The following IGF1R variants were observed in gnomAD, a reference collection of about 807,000 sequenced individuals.
IGF1R encodes insulin-like growth factor 1 receptor.
A neutral mutation model predicts 144.6 loss-of-function variants in IGF1R; 44 were observed. The observed-to-expected ratio is 0.30, with a 90% CI of 0.24 to 0.39. The LOEUF is 0.39. Among genes scored for constraint, IGF1R ranks in the 10% least tolerant of loss-of-function variants. IGF1R has a pLI of 1.00. For missense variants in IGF1R, 1,355 were observed against 1,833.7 expected (o/e 0.74, Z 4.77); for synonymous variants, 795 against 722.8 (o/e 1.10, Z -1.60).
intron 2 of IGF1R, among the ~76,000 whole-genome samples, chr15:98,762,738 A>G (rs1254396337): frequency 6.6e-6 from 1 of 152,040 alleles, no homozygotes; most frequent in Admixed American, 6.6e-5. Flanking sequence ...AAACAAAACA[A>G]AACTAAAACA....
At chr15:98,879,775 A>C (rs1437499432) in intron 2 of IGF1R, among the ~76,000 whole-genome samples, 1 of 152,148 alleles carries the variant, frequency 6.6e-6, no homozygotes, top group African/African-American at 2.4e-5. Flanking sequence ...TGAAAGTCAA[A>C]ATTTATGAAT....
At chr15:98,775,375 C>G (rs1415760789) in intron 2 of IGF1R, among the ~76,000 whole-genome samples, 1 of 152,218 alleles carries the variant, frequency 6.6e-6, no homozygotes, top group Admixed American at 6.5e-5. Flanking sequence ...CCACCCCCAC[C>G]TCTAGACCAA....
At chr15:98,700,039 C>G (rs1281511395) in intron 1 of IGF1R, among the ~76,000 whole-genome samples, 2 of 152,158 alleles carry the variant, frequency 1.3e-5, no homozygotes, top group Non-Finnish European at 2.9e-5. Context: ...TGAATTGTGT[C>G]GGTTTACACT....
chr15:98,878,408 A>G (rs139631041), intron 2 of IGF1R, among the ~76,000 whole-genome samples: 1 of 152,376 alleles, frequency 6.6e-6, no homozygotes, highest in African/African-American at 2.4e-5. Context: ...TTAGTTAGTC[A>G]TGGAGGGACA....
intron 2 of IGF1R, among the ~76,000 whole-genome samples, chr15:98,869,315 C>CAACAA (rs1567170020): frequency 6.7e-5 from 10 of 149,896 alleles, no homozygotes; most frequent in African/African-American, 2.0e-4. Context: ...ACAACAACAA[C>CAACAA]AAAAAAAAAC....
Position 98,915,889 on chromosome 15 carries a change from G to A in IGF1R, c.1829-75G>A, listed in dbSNP as rs1596445169. The A allele has an allele frequency of 5.7e-6, 8 of 1,394,854 alleles. No homozygotes were observed. The East Asian group carries it at 1.6e-4, about 28-fold the overall frequency. The allele number at this position is 1,394,854 out of a possible 1,614,324, so 86.4% of individuals were successfully genotyped here. A position where few individuals can be genotyped will look rare whatever the true frequency, so the allele number is the denominator to read the frequency against. The stretch of plus-strand genomic sequence containing the variant: ...AGGTCAAACTGGCAGTTTCCTGTTG[G>A]CTTGCCAGAGTATCTGATAGCCTGA... On this transcript the variant is annotated intron_variant, in intron 8 of 20. Coordinates refer to ENST00000650285, the MANE Select transcript of IGF1R (RefSeq NM_000875.5).
chr15:98,825,465 T>A (rs2056876153), intron 2 of IGF1R, among the ~76,000 whole-genome samples: 1 of 152,144 alleles, frequency 6.6e-6, no homozygotes, highest in African/African-American at 2.4e-5. Context: ...AGGAGGTGAG[T>A]GGCAGGCCAA....
chr15:98,690,368 G>GGTAGGCAATTA (rs767598935), intron 1 of IGF1R, among the ~76,000 whole-genome samples: 12 of 152,108 alleles, frequency 7.9e-5, no homozygotes, highest in Non-Finnish European at 1.6e-4. Flanking sequence ...ACATGCTTAT[G>GGTAGGCAATTA]GTAGGCAATT....
intron 2 of IGF1R, among the ~76,000 whole-genome samples, chr15:98,866,979 T>A (rs771724334): frequency 6.6e-6 from 1 of 152,230 alleles, no homozygotes. Flanking sequence ...TACACTTTTT[T>A]AAATTCATGA....
At chr15:98,869,320 A>T (rs2012646746) in intron 2 of IGF1R, among the ~76,000 whole-genome samples, 1 of 152,052 alleles carries the variant, frequency 6.6e-6, no homozygotes, top group Non-Finnish European at 1.5e-5. Flanking sequence ...AACAACAAAA[A>T]AAAACACCAC....
At chr15:98,806,833 A>T (rs1448773975) in intron 2 of IGF1R, among the ~76,000 whole-genome samples, 1 of 152,130 alleles carries the variant, frequency 6.6e-6, no homozygotes, top group Non-Finnish European at 1.5e-5. Context: ...GGCACAGCTG[A>T]CCCTAAGCCT....
intron 20 of IGF1R, among the ~76,000 whole-genome samples, chr15:98,950,778 G>A (rs553869407): frequency 3.9e-5 from 6 of 152,228 alleles, no homozygotes; most frequent in African/African-American, 7.2e-5. Context: ...AGTCCCACCC[G>A]TACTCAAGTG....
intron 6 of IGF1R, 92 bp downstream of exon 6, chr15:98,908,991 C>A (rs1472731736): frequency 8.4e-7 from 1 of 1,184,752 alleles, no homozygotes; most frequent in Non-Finnish European, 1.2e-6. Context: ...CCTCTGCGGC[C>A]CCTCCTGGTT....
chr15:98,733,412 G>A (rs2141300273), intron 2 of IGF1R, among the ~76,000 whole-genome samples: 1 of 151,990 alleles, frequency 6.6e-6, no homozygotes, highest in South Asian at 2.1e-4. Context: ...GGGGTCTTGG[G>A]CTCAAGTTAT....
rs2017057804 is a variant in IGF1R, at chr15:98,957,595, G to A, written c.*153G>A. On this transcript the variant is annotated 3_prime_UTR_variant, in exon 21 of 21. Coordinates refer to ENST00000650285, the MANE Select transcript of IGF1R (RefSeq NM_000875.5). ...GCTGCCCGCGGGAGACAGCTTCTCT[G>A]CAGTAAAACACATTTGGGATGTTCC... 16 of 878,420 alleles carry A rather than the reference G, an allele frequency of 1.8e-5. No homozygotes were observed. The highest frequency in any genetic ancestry group is 2.5e-5 in the Non-Finnish European group (14 of 557,476). 54.4% of individuals were successfully genotyped at this position (878,420 alleles called of 1,614,324 possible). A position where few individuals can be genotyped will look rare whatever the true frequency, so the allele number is the denominator to read the frequency against.
chr15:98,762,184 A>G (rs1323836104), intron 2 of IGF1R, among the ~76,000 whole-genome samples: 1 of 148,654 alleles, frequency 6.7e-6, no homozygotes, highest in Admixed American at 6.8e-5. Flanking sequence ...GGAGGAATAT[A>G]TAAGAAATGA....
intron 2 of IGF1R, among the ~76,000 whole-genome samples, chr15:98,761,840 G>T (rs979415802): frequency 3.3e-5 from 5 of 152,176 alleles, no homozygotes; most frequent in East Asian, 1.9e-4. Flanking sequence ...ACAAACATTT[G>T]TTGGCCACCT....
intron 2 of IGF1R, among the ~76,000 whole-genome samples, chr15:98,727,207 A>C (rs544845185): frequency 6.6e-6 from 1 of 152,304 alleles, no homozygotes; most frequent in South Asian, 2.1e-4. Flanking sequence ...AAAGGAAGAA[A>C]GGTATGTGGT....
intron 2 of IGF1R, among the ~76,000 whole-genome samples, chr15:98,886,531 A>G (rs143133193): frequency 4.8e-4 from 73 of 152,134 alleles, no homozygotes; most frequent in African/African-American, 1.7e-3. Context: ...AGCAGCTTCT[A>G]TTTTCCTCCT....
Sources: gnomAD v4.1 joint callset for allele counts (sites outside exome capture counted in the v4.1 genomes callset) on GRCh38, gnomAD v4.1.1 for gene constraint, MANE v1.5 for transcripts, NCBI Gene and HGNC (gene_info 2026-07-23, HGNC 2026-07-21) for gene names.